BCAR3: variants seen among roughly 807,000 people sequenced by gnomAD.
BCAR3 encodes BCAR3 adaptor protein, NSP family member.
In BCAR3, 37 loss-of-function variants were observed where a neutral mutation model predicts 80.1. That is an observed-to-expected ratio of 0.46 (90% CI 0.36 to 0.61). BCAR3 has a LOEUF of 0.61. Among genes scored for constraint, BCAR3 ranks in the 20% least tolerant of loss-of-function variants. The probability of loss-of-function intolerance (pLI) is 0.00; values close to 1 mark genes in which losing one functional copy is unlikely to be tolerated. For synonymous variants in BCAR3, 389 were observed against 418.9 expected, an observed-to-expected ratio of 0.93 and a Z score of 0.87; for missense variants, 978 against 1,068.2, an observed-to-expected ratio of 0.92 and a Z score of 1.18.
At chr1:93,690,995 C>T (rs528050598) in intron 3 of BCAR3, among the ~76,000 whole-genome samples, 10 of 152,210 alleles carry the variant, frequency 6.6e-5, no homozygotes, top group African/African-American at 1.2e-4. Context: ...TTGCCTAAAC[C>T]GAGTCCAATT....
At chr1:93,681,934 A>G (rs1042813754), upstream of BCAR3, 7 of 152,148 alleles carry the variant, frequency 4.6e-5, no homozygotes, top group African/African-American at 1.7e-4. Flanking sequence ...GAACCCCCCG[A>G]GACATTTACA....
chr1:93,679,776 T>A (rs1648667472), intron 1 of BCAR3, among the ~76,000 whole-genome samples: 1 of 152,210 alleles, frequency 6.6e-6, no homozygotes, highest in Admixed American at 6.5e-5. Flanking sequence ...CAATGATGTC[T>A]CAAAGAAACT....
chr1:93,632,376 C>T lies in BCAR3; in HGVS notation c.357+9928G>A, dbSNP rs114409357. 4.3e-3 allele frequency among the ~76,000 whole-genome samples: 661 copies of T among 152,234 alleles called. 8 individuals are homozygous for T. The highest frequency in any genetic ancestry group is 0.012 in the African/African-American group (507 of 41,530). ...GTTCCACTGATTTTCAACTTTACGA[C>T]GGTGCTGAAGTGATATATATTCAGT... On this transcript the variant is annotated intron_variant, in intron 3 of 11. Coordinates refer to ENST00000260502, the MANE Select transcript of BCAR3 (RefSeq NM_003567.4).
chr1:93,643,740 A>C (rs927671437), intron 2 of BCAR3, among the ~76,000 whole-genome samples: 1 of 152,086 alleles, frequency 6.6e-6, no homozygotes, highest in African/African-American at 2.4e-5. Context: ...TAGGTAATAC[A>C]ATTGTACTGT....
At chr1:93,844,849 C>G (rs2100856141) in intron 2 of BCAR3, among the ~76,000 whole-genome samples, 1 of 152,118 alleles carries the variant, frequency 6.6e-6, no homozygotes, top group East Asian at 1.9e-4. Context: ...GCTGGAATTA[C>G]AGGCGTGAGT....
intron 3 of BCAR3, among the ~76,000 whole-genome samples, chr1:93,691,398 C>A (rs955794738): frequency 2.6e-5 from 4 of 152,270 alleles, no homozygotes; most frequent in African/African-American, 9.6e-5. Flanking sequence ...GACAGACACA[C>A]CCCTTCCCTG....
At chr1:93,616,141 CTT>C (rs1477543260) in intron 3 of BCAR3, among the ~76,000 whole-genome samples, 2 of 152,174 alleles carry the variant, frequency 1.3e-5, no homozygotes, top group African/African-American at 4.8e-5. Context: ...TATCACAGCT[CTT>C]GTTACCTGAG....
At chr1:93,610,599 T>C (rs1674917135) in intron 3 of BCAR3, among the ~76,000 whole-genome samples, 1 of 152,180 alleles carries the variant, frequency 6.6e-6, no homozygotes, top group Non-Finnish European at 1.5e-5. Flanking sequence ...AGTATTAACA[T>C]ACACAATATC....
chr1:93,837,121 G>A (rs1654799311), intron 2 of BCAR3, among the ~76,000 whole-genome samples: 1 of 152,190 alleles, frequency 6.6e-6, no homozygotes, highest in Non-Finnish European at 1.5e-5. Flanking sequence ...GGGAGGCTAA[G>A]GCAGGAGAAT....
At chr1:93,640,310 A>G (rs1301526424) in intron 3 of BCAR3, among the ~76,000 whole-genome samples, 2 of 152,130 alleles carry the variant, frequency 1.3e-5, no homozygotes, top group Non-Finnish European at 2.9e-5. Flanking sequence ...ACCTCTATGA[A>G]TGTGCTTTCA....
Position 93,589,113 on chromosome 1 carries a change from G to T in BCAR3, c.793C>A (p.His265Asn). The T allele has an allele frequency of 6.2e-7, 1 of 1,612,838 alleles. No homozygotes were observed. The highest frequency in any genetic ancestry group is 8.5e-7 in the Non-Finnish European group (1 of 1,179,370). The change falls in exon 5 of 12, where the codon CAT becomes AAT. Residue 265 changes from histidine to asparagine, a missense_variant. Coordinates refer to ENST00000260502, the MANE Select transcript of BCAR3 (RefSeq NM_003567.4). Reference protein sequence around the residue: ...RTVPLRCLEEHYGTSPGQARE... With the variant: ...RTVPLRCLEENYGTSPGQARE... ...GCCTGGCCTGGGGAGGTGCCATAAT[G>T]CTCCTCCAGGCACCGCAGAGGCACC...
At chr1:93,640,178 T>C (rs1675933290) in intron 3 of BCAR3, among the ~76,000 whole-genome samples, 1 of 152,144 alleles carries the variant, frequency 6.6e-6, no homozygotes, top group Non-Finnish European at 1.5e-5. Context: ...TGGCATCAAC[T>C]TATGAGGCCT....
intron 2 of BCAR3, among the ~76,000 whole-genome samples, chr1:93,832,631 G>A (rs528840643): frequency 1.3e-5 from 2 of 152,024 alleles, no homozygotes; most frequent in South Asian, 2.1e-4. Context: ...TAATCAATAC[G>A]GAGGCTACCT....
intron 3 of BCAR3, among the ~76,000 whole-genome samples, chr1:93,690,499 A>G (rs570797687): frequency 2.0e-5 from 3 of 152,344 alleles, no homozygotes; most frequent in Admixed American, 2.0e-4. Flanking sequence ...CAATATGTAA[A>G]GGAGCTGAGC....
At chr1:93,846,537 C>T (rs1016680554) in intron 1 of BCAR3, among the ~76,000 whole-genome samples, 2 of 152,182 alleles carry the variant, frequency 1.3e-5, no homozygotes, top group Non-Finnish European at 2.9e-5. Context: ...GGCCCCCACC[C>T]AGCCGCCTCT....
chr1:93,755,761 T>A (rs1651723018), intron 2 of BCAR3, among the ~76,000 whole-genome samples: 2 of 152,186 alleles, frequency 1.3e-5, no homozygotes, highest in South Asian at 4.1e-4. Context: ...GAGGTATGTG[T>A]GTGTTGTACG....
In BCAR3 at chr1:93,562,175, T is replaced by C. The variant is rs1672701530; in HGVS notation, c.*66A>G. 2.7e-6 allele frequency: 4 copies of C among 1,503,818 alleles called. No homozygotes were observed. The highest frequency in any genetic ancestry group is 3.6e-6 in the Non-Finnish European group (4 of 1,107,864). 93.2% of individuals were successfully genotyped at this position (1,503,818 alleles called of 1,614,324 possible). A position where few individuals can be genotyped will look rare whatever the true frequency, so the allele number is the denominator to read the frequency against. On this transcript the variant is annotated 3_prime_UTR_variant, in exon 12 of 12. Transcript: ENST00000260502. The stretch of plus-strand genomic sequence containing the variant: ...CACATTATTACTTTATCAAAAACAG[T>C]AAGCTTTCCCAAAGATGAAGCTGGG...
At chr1:93,734,223 G>C (rs1650899936) in intron 2 of BCAR3, among the ~76,000 whole-genome samples, 1 of 152,170 alleles carries the variant, frequency 6.6e-6, no homozygotes, top group African/African-American at 2.4e-5. Context: ...ATTTGTGTTT[G>C]GTTCATAATC....
intron 3 of BCAR3, among the ~76,000 whole-genome samples, chr1:93,618,362 A>G (rs2101886925): frequency 6.6e-6 from 1 of 152,352 alleles, no homozygotes; most frequent in South Asian, 2.1e-4. Context: ...ATGAAAGAGT[A>G]TGGCTGTTAA....
Sources: allele counts gnomAD v4.1 joint callset (sites outside exome capture counted in the v4.1 genomes callset), GRCh38; gene constraint gnomAD v4.1.1; transcripts MANE v1.5; gene names NCBI Gene and HGNC (gene_info 2026-07-23, HGNC 2026-07-21).